Variants in SFT2D1 observed in about 807,000 individuals in gnomAD.
The protein encoded by SFT2D1 is vesicle transport protein SFT2A.
Under a neutral mutation model 28.1 loss-of-function variants are expected in SFT2D1, and 24 were observed. The observed-to-expected ratio is 0.85, with a 90% CI of 0.62 to 1.20. The LOEUF (loss-of-function observed/expected upper bound fraction) is 1.20. Among genes scored for constraint, SFT2D1 ranks in the 50% most tolerant of loss-of-function variants. SFT2D1 has a pLI of 0.00. For missense variants in SFT2D1, 181 were observed against 190.9 expected, an observed-to-expected ratio of 0.95 and a Z score of 0.31; for synonymous variants, 82 against 73.7, an observed-to-expected ratio of 1.11 and a Z score of -0.58.
chr6:166,328,073 C>T (rs1470954541), intron 4 of SFT2D1, among the ~76,000 whole-genome samples: 1 of 152,032 alleles, frequency 6.6e-6, no homozygotes, highest in Non-Finnish European at 1.5e-5. Flanking sequence ...GCTGGGATTA[C>T]AGACGTGAGC....
At chr6:166,324,651 CTCAA>C (rs1439223367) in intron 5 of SFT2D1, 56 bp from the exon 6 acceptor site, 16 of 1,489,428 alleles carry the variant, frequency 1.1e-5, no homozygotes, top group African/African-American at 1.4e-5. Context: ...AAACATCTTT[CTCAA>C]TCAAACTTAA....
At chr6:166,333,300 C>T (rs1444004341) in intron 1 of SFT2D1, among the ~76,000 whole-genome samples, 2 of 152,194 alleles carry the variant, frequency 1.3e-5, no homozygotes, top group African/African-American at 4.8e-5. Flanking sequence ...GCATGCGGCA[C>T]GGGTTCCACG....
chr6:166,335,055 G>C, intron 1 of SFT2D1: 1 of 543,680 alleles, frequency 1.8e-6, no homozygotes, highest in Non-Finnish European at 3.5e-6. Flanking sequence ...CTGTGGACAA[G>C]ACTGTCACTC....
chr6:166,336,952 G>A (rs929988672), intron 1 of SFT2D1, among the ~76,000 whole-genome samples: 1 of 152,178 alleles, frequency 6.6e-6, no homozygotes, highest in Admixed American at 6.5e-5. Context: ...TCACATTGGG[G>A]ATTAAGTTTC....
At chr6:166,320,705 T>C (rs6918901) in intron 7 of SFT2D1, among the ~76,000 whole-genome samples, 117,473 of 150,390 alleles carry the variant, frequency 0.78, 46,182 homozygotes, top group East Asian at 0.96. Context: ...TTAATAGAGA[T>C]AGGGTCTTGC....
Position 166,328,373 on chromosome 6 carries a change from A to AT in SFT2D1, c.234-17_234-16insA. On this transcript the variant is annotated splice_polypyrimidine_tract_variant and intron_variant, in intron 3 of 7. Transcript: ENST00000361731. The stretch of plus-strand genomic sequence containing the variant: ...AAAGCATGTACTATTTGAAACAAAT[A>AT]AAGTGACTGAGGTACAGGTCTACTA... 1 of 1,472,708 alleles carries AT rather than the reference A, an allele frequency of 6.8e-7. No homozygotes were observed. The highest frequency in any genetic ancestry group is 9.2e-7 in the Non-Finnish European group (1 of 1,083,684). 91.2% of individuals were successfully genotyped at this position (1,472,708 alleles called of 1,614,324 possible).
chr6:166,337,150 C>T (rs1344480028), intron 1 of SFT2D1, among the ~76,000 whole-genome samples: 4 of 152,200 alleles, frequency 2.6e-5, no homozygotes, highest in Non-Finnish European at 5.9e-5. Context: ...AGGTCCCAGG[C>T]CCTTCGGCCC....
chr6:166,328,298 A>G lies in SFT2D1; in HGVS notation c.293T>C (p.Leu98Ser). The stretch of plus-strand genomic sequence containing the variant: ...TACAAGCATAACAATTGTTGCAAGC[A>G]ATCTTGTTGCTTCAAACATTTTCTT... ...QLKKMFEATR[L>S]LATIVMLLCF... The change falls in exon 4 of 8, where the codon TTG becomes TCG. Residue 98 changes from leucine to serine, a missense_variant. Physicochemically the swap from Leu to Ser is moderately radical, Grantham distance 145. Transcript: ENST00000361731. The G allele has an allele frequency of 1.3e-6, 2 of 1,592,922 alleles. No individual in the cohort carries two copies. Among genetic ancestry groups the G allele is most frequent in the Non-Finnish European group, 1.7e-6 (2 of 1,170,770 alleles).
intron 5 of SFT2D1, among the ~76,000 whole-genome samples, chr6:166,325,276 TAAA>T (rs577661916): frequency 6.7e-6 from 1 of 148,424 alleles, no homozygotes; most frequent in East Asian, 2.0e-4. Flanking sequence ...ATCATCAAAA[TAAA>T]AAAAAAACTG....
chr6:166,332,946 G>A (rs1478389170), intron 1 of SFT2D1, among the ~76,000 whole-genome samples: 5 of 152,180 alleles, frequency 3.3e-5, no homozygotes, highest in South Asian at 2.1e-4. Flanking sequence ...TTTAAGTGAC[G>A]GAGAAGCTGA....
At chr6:166,340,619 A>G (rs1583044661) in intron 1 of SFT2D1, among the ~76,000 whole-genome samples, 1 of 152,176 alleles carries the variant, frequency 6.6e-6, no homozygotes, top group African/African-American at 2.4e-5. Context: ...CTGTGCTCAC[A>G]TGACTCCCTG....
At chr6:166,337,420 G>C (rs1383234448) in intron 1 of SFT2D1, among the ~76,000 whole-genome samples, 3 of 152,104 alleles carry the variant, frequency 2.0e-5, no homozygotes, top group Non-Finnish European at 2.9e-5. Context: ...GGACACTTTG[G>C]CACTCCCTCC....
chr6:166,341,568 A>G (rs1778782833), intron 1 of SFT2D1, among the ~76,000 whole-genome samples: 1 of 152,212 alleles, frequency 6.6e-6, no homozygotes, highest in African/African-American at 2.4e-5. Flanking sequence ...TGTAGCCCAG[A>G]ACTCTACCCA....
chr6:166,326,213 A>C, intron 4 of SFT2D1, 46 bp from the exon 5 acceptor site: 1 of 1,550,124 alleles, frequency 6.5e-7, no homozygotes, highest in Non-Finnish European at 8.9e-7. Flanking sequence ...ATCCTTTCAA[A>C]AGCCTAATAA....
intron 1 of SFT2D1, 47 bp from the exon 2 acceptor site, chr6:166,330,294 C>G: frequency 1.6e-6 from 2 of 1,245,366 alleles, no homozygotes; most frequent in Non-Finnish European, 2.3e-6. Flanking sequence ...AATTCACTAC[C>G]AATCTGATTC....
chr6:166,320,515 TA>T (rs1408834009), intron 7 of SFT2D1, among the ~76,000 whole-genome samples: 2 of 152,116 alleles, frequency 1.3e-5, no homozygotes, highest in African/African-American at 2.4e-5. Flanking sequence ...GAAATAAGTT[TA>T]AATACCAAAA....
chr6:166,342,407 C>A lies in SFT2D1; in HGVS notation c.63+12G>T, dbSNP rs1244024506. On this transcript the variant is annotated intron_variant, in intron 1 of 7. Coordinates refer to ENST00000361731, the MANE Select transcript of SFT2D1 (RefSeq NM_145169.3). ...GCAGCCCCGGGACTGGACGAGGGCG[C>A]AAGTTCGCTACCTGCGCAGTCAGGC... 3 of 1,551,134 alleles carry A rather than the reference C, an allele frequency of 1.9e-6. No individual in the cohort carries two copies. In the East Asian group the frequency reaches 7.3e-5, roughly 38 times the overall value.
chr6:166,330,335 C>A, intron 1 of SFT2D1, 88 bp from the exon 2 acceptor site: 5 of 812,048 alleles, frequency 6.2e-6, no homozygotes, highest in Non-Finnish European at 9.8e-6. Flanking sequence ...AGTTTTAACA[C>A]ATAGTCTGAA....
intron 1 of SFT2D1, among the ~76,000 whole-genome samples, chr6:166,337,441 G>T (rs547893249): frequency 6.6e-6 from 1 of 152,102 alleles, no homozygotes; most frequent in South Asian, 2.1e-4. Context: ...TGCTTACAAT[G>T]TTCTCTTCAA....
Sources: allele counts gnomAD v4.1 joint callset (sites outside exome capture counted in the v4.1 genomes callset), GRCh38; gene constraint gnomAD v4.1.1; transcripts MANE v1.5; gene names NCBI Gene and HGNC (gene_info 2026-07-23, HGNC 2026-07-21).